PTPRG: variants seen among roughly 807,000 people sequenced by gnomAD.
PTPRG encodes receptor-type tyrosine-protein phosphatase gamma.
In PTPRG, 102 loss-of-function variants were observed where a neutral mutation model predicts 165.3. That is an observed-to-expected ratio of 0.62 (90% CI 0.53 to 0.73). PTPRG has a LOEUF of 0.73. Among genes scored for constraint, PTPRG ranks in the 30% least tolerant of loss-of-function variants. The probability of loss-of-function intolerance (pLI) is 0.00; values close to 1 mark genes in which losing one functional copy is unlikely to be tolerated. For missense variants in PTPRG, 1,866 were observed against 1,861.4 expected, an observed-to-expected ratio of 1.00 and a Z score of -0.05; for synonymous variants, 675 against 669.5, an observed-to-expected ratio of 1.01 and a Z score of -0.13.
chr3:62,273,950 T>G lies in PTPRG; in HGVS notation c.3465+106T>G. ...GCATTAATGTATACACCGAAATGGA[T>G]TACTATTTGTACTCCTTGTACTCCT... On this transcript the variant is annotated intron_variant, in intron 23 of 29. Transcript: ENST00000474889. The surrounding 1 kb of genome is among the most constrained non-coding windows in gnomAD (Gnocchi z 4.1). The G allele has an allele frequency of 4.5e-6, 5 of 1,113,730 alleles. No homozygotes were observed. Among genetic ancestry groups the G allele is most frequent in the Non-Finnish European group, 6.5e-6 (5 of 772,216 alleles). The allele number at this position is 1,113,730 out of a possible 1,614,324, so 69.0% of individuals were successfully genotyped here.
intron 2 of PTPRG, among the ~76,000 whole-genome samples, chr3:61,934,240 A>G (rs1261301689): frequency 2.0e-5 from 3 of 152,184 alleles, no homozygotes; most frequent in South Asian, 2.1e-4. Context: ...AATTAGAATC[A>G]CTGACACTGC....
chr3:62,204,385 G>A, intron 12 of PTPRG, among the ~76,000 whole-genome samples: 1 of 152,094 alleles, frequency 6.6e-6, no homozygotes, highest in Non-Finnish European at 1.5e-5. Flanking sequence ...AGTTTAAAGG[G>A]GAAGGCAGAC....
chr3:62,274,442 G>C (rs1443441604), intron 23 of PTPRG, among the ~76,000 whole-genome samples: 1 of 152,164 alleles, frequency 6.6e-6, no homozygotes, highest in East Asian at 1.9e-4. Flanking sequence ...TTAGGGCTCA[G>C]TCATCTGATA....
intron 4 of PTPRG, among the ~76,000 whole-genome samples, chr3:62,006,969 T>A (rs2041312420): frequency 6.6e-6 from 1 of 152,210 alleles, no homozygotes; most frequent in African/African-American, 2.4e-5. Flanking sequence ...TAAAGAGGAC[T>A]TGTTTCTTGG....
rs539931231 is a variant in PTPRG at position 61,670,809 on chromosome 3, T to C, written c.86-78069T>C. Among the ~76,000 whole-genome samples the C allele has an allele frequency of 2.0e-5, 3 of 152,284 alleles. No homozygotes were observed. The South Asian group carries it at 6.2e-4, about 32-fold the overall frequency. ...TGAAATACTGCTTAGTTCTTTAAGA[T>C]ATAATTAAGTAGAATCGCAGAAAAG... On this transcript the variant is annotated intron_variant, in intron 1 of 29. Transcript: ENST00000474889.
chr3:61,814,598 A>C (rs1286499558), intron 2 of PTPRG, among the ~76,000 whole-genome samples: 1 of 151,916 alleles, frequency 6.6e-6, no homozygotes, highest in African/African-American at 2.4e-5. Flanking sequence ...TGTGAGTTAC[A>C]TGGGAGGCTG....
chr3:61,638,403 C>T (rs926085850), intron 1 of PTPRG, among the ~76,000 whole-genome samples: 2 of 151,868 alleles, frequency 1.3e-5, no homozygotes, highest in African/African-American at 4.8e-5. Context: ...TGAATTGTAC[C>T]AAACCCAACA....
rs1701126165 is a variant in PTPRG, at chr3:62,240,196, C to T, written c.2376-3611C>T. ...CTCATTTCGTTTTTTAAAAATAAAACCCCCATGTAGTCCCAGCTACTTAGG... is the reference window on the plus strand; with the variant it reads ...CTCATTTCGTTTTTTAAAAATAAAATCCCCATGTAGTCCCAGCTACTTAGG... On this transcript the variant is annotated intron_variant, in intron 14 of 29. Transcript: ENST00000474889. This position sits in a 1 kb window ranked among gnomAD's most constrained non-coding sequence, Gnocchi z 5.1. Among the ~76,000 whole-genome samples, 1 of 152,060 alleles carries T rather than the reference C, an allele frequency of 6.6e-6. No individual in the cohort carries two copies. The highest frequency in any genetic ancestry group is 6.6e-5 in the Admixed American group (1 of 15,258).
intron 1 of PTPRG, among the ~76,000 whole-genome samples, chr3:61,627,209 T>G (rs1701637187): frequency 6.6e-6 from 1 of 152,216 alleles, no homozygotes; most frequent in Admixed American, 6.5e-5. Context: ...AATTATACTT[T>G]TTAAAAGAGT....
chr3:62,103,399 C>T (rs1702361240), intron 5 of PTPRG, among the ~76,000 whole-genome samples: 1 of 152,224 alleles, frequency 6.6e-6, no homozygotes, highest in Non-Finnish European at 1.5e-5. Context: ...AACTAGAATT[C>T]TTCTAAAGGA....
rs2040465400 is a variant in PTPRG, at chr3:61,974,798, GGTA to G, written c.191-14824_191-14822del. Among the ~76,000 whole-genome samples the G allele has an allele frequency of 2.0e-5, 3 of 152,258 alleles. No individual in the cohort carries two copies. In the South Asian group the frequency reaches 6.2e-4, roughly 32 times the overall value. ...AGACAGGGTCAAAGATCCCAGTACT[GGTA>G]GTCTGTTCTCACCAGTGCATGTCCT... On this transcript the variant is annotated intron_variant, in intron 2 of 29. Transcript: ENST00000474889.
intron 1 of PTPRG, among the ~76,000 whole-genome samples, chr3:61,719,129 G>A (rs1010470074): frequency 6.6e-6 from 1 of 152,158 alleles, no homozygotes; most frequent in Non-Finnish European, 1.5e-5. Context: ...CCAGACATGA[G>A]ACATTGTATT....
At chr3:62,065,214 T>C (rs952096019) in intron 4 of PTPRG, among the ~76,000 whole-genome samples, 2 of 152,290 alleles carry the variant, frequency 1.3e-5, no homozygotes, top group South Asian at 2.1e-4. Flanking sequence ...CTTCTAGATA[T>C]CTGTCTTAGA....
At chr3:61,915,217 A>G (rs2038905249) in intron 2 of PTPRG, among the ~76,000 whole-genome samples, 1 of 152,236 alleles carries the variant, frequency 6.6e-6, no homozygotes, top group Admixed American at 6.5e-5. Context: ...CAACAGAGTG[A>G]GACTCTGTCT....
At chr3:62,129,008 C>T (rs1358977762) in intron 5 of PTPRG, among the ~76,000 whole-genome samples, 1 of 152,048 alleles carries the variant, frequency 6.6e-6, no homozygotes, top group Non-Finnish European at 1.5e-5. Flanking sequence ...GTTACTTTGA[C>T]CAGCCAATAA....
intron 7 of PTPRG, among the ~76,000 whole-genome samples, chr3:62,160,766 C>G (rs536881317): frequency 4.6e-5 from 7 of 152,102 alleles, no homozygotes; most frequent in Non-Finnish European, 1.0e-4. Context: ...CTATGATTTT[C>G]CCCAGCTTGA....
chr3:62,094,551 T>C (rs1055811241), intron 5 of PTPRG, among the ~76,000 whole-genome samples: 2 of 152,128 alleles, frequency 1.3e-5, no homozygotes, highest in African/African-American at 4.8e-5. Flanking sequence ...CTCATACAAA[T>C]TGGTTGTTGA....
intron 5 of PTPRG, among the ~76,000 whole-genome samples, chr3:62,097,788 G>C (rs923198348): frequency 6.6e-6 from 1 of 152,022 alleles, no homozygotes; most frequent in Non-Finnish European, 1.5e-5. Flanking sequence ...TTTGTTTTTA[G>C]GAATATTTTA....
At position 62,004,622 on chromosome 3, in the gene PTPRG, G is replaced by A. The variant is rs779656748; in HGVS notation, c.519+1125G>A. ...ATCTCTTCTCTCGACTGCAGCACCC[G>A]ATTAAAGCCTTCCTTGGCGATGCTT... On this transcript the variant is annotated intron_variant, in intron 4 of 29. Transcript: ENST00000474889. Among the ~76,000 whole-genome samples, 12 of 152,168 alleles carry A rather than the reference G, an allele frequency of 7.9e-5. No homozygotes were observed. In the South Asian group the frequency reaches 8.3e-4, roughly 11 times the overall value.
Sources: gnomAD v4.1 joint callset for allele counts (sites outside exome capture counted in the v4.1 genomes callset) on GRCh38, gnomAD v4.1.1 for gene constraint, Gnocchi (gnomAD v3.1) non-coding constraint, MANE v1.5 for transcripts, NCBI Gene and HGNC (gene_info 2026-07-23, HGNC 2026-07-21) for gene names.